The following DDR2 variants were observed in gnomAD, a reference collection of about 807,000 sequenced individuals.
DDR2 encodes discoidin domain-containing receptor 2.
In DDR2, 27 loss-of-function variants were observed where a neutral mutation model predicts 94.9. That is an observed-to-expected ratio of 0.28 (90% confidence interval 0.21 to 0.39). DDR2 has a LOEUF of 0.39. Among genes scored for constraint, DDR2 ranks in the 10% least tolerant of loss-of-function variants. The pLI, the probability that DDR2 is intolerant of heterozygous loss-of-function variation, is 1.00. For synonymous variants in DDR2, 382 were observed against 377.2 expected, an observed-to-expected ratio of 1.01 and a Z score of -0.15; for missense variants, 783 against 1,076.0, an observed-to-expected ratio of 0.73 and a Z score of 3.81.
chr1:162,748,250 A>G (rs1444734628), intron 3 of DDR2, among the ~76,000 whole-genome samples: 1 of 152,240 alleles, frequency 6.6e-6, no homozygotes, highest in Non-Finnish European at 1.5e-5. Flanking sequence ...TGTATTCAGG[A>G]GACCCATCTC....
At chr1:162,705,960 T>G (rs1360704389) in intron 2 of DDR2, among the ~76,000 whole-genome samples, 18 of 152,202 alleles carry the variant, frequency 1.2e-4, no homozygotes, top group Admixed American at 1.2e-3. Context: ...CTTACAGTCT[T>G]GAGGAGGAGA....
chr1:162,750,062 C>T (rs1159598106), intron 3 of DDR2, among the ~76,000 whole-genome samples: 1 of 152,190 alleles, frequency 6.6e-6, no homozygotes, highest in African/African-American at 2.4e-5. Context: ...AAACTGGAAG[C>T]ATTCCCTTTG....
intron 3 of DDR2, among the ~76,000 whole-genome samples, chr1:162,744,324 A>G (rs1453767598): frequency 6.6e-6 from 1 of 152,094 alleles, no homozygotes; most frequent in African/African-American, 2.4e-5. Flanking sequence ...TTTCCTCCCA[A>G]TTCCTGGCAA....
At chr1:162,710,935 A>T (rs1660880789) in intron 2 of DDR2, among the ~76,000 whole-genome samples, 1 of 152,152 alleles carries the variant, frequency 6.6e-6, no homozygotes, top group South Asian at 2.1e-4. Context: ...TACAGGCCAC[A>T]GATGATTTTC....
At chr1:162,675,394 G>A (rs1659079058) in intron 2 of DDR2, among the ~76,000 whole-genome samples, 1 of 152,154 alleles carries the variant, frequency 6.6e-6, no homozygotes, top group African/African-American at 2.4e-5. Flanking sequence ...ATTCTGTGAG[G>A]GGACGATGGC....
At chr1:162,716,473 A>G (rs1661172951) in intron 2 of DDR2, among the ~76,000 whole-genome samples, 2 of 152,174 alleles carry the variant, frequency 1.3e-5, no homozygotes, top group South Asian at 2.1e-4. Context: ...TTCTCTGGGC[A>G]TGTTTATTTA....
At chr1:162,659,993 G>A (rs1039721602) in intron 2 of DDR2, among the ~76,000 whole-genome samples, 1 of 54,560 alleles carries the variant, frequency 1.8e-5, no homozygotes, top group African/African-American at 4.3e-5. Flanking sequence ...CAAATTGTGG[G>A]CTGCAGGAAC....
At chr1:162,693,745 C>T (rs1376506166) in intron 2 of DDR2, among the ~76,000 whole-genome samples, 1 of 152,058 alleles carries the variant, frequency 6.6e-6, no homozygotes, top group East Asian at 1.9e-4. Flanking sequence ...GGAGCCAGAG[C>T]CTGGATGAAG....
At position 162,754,650 on chromosome 1, in the gene DDR2, C is replaced by G. The variant is rs1663367729; in HGVS notation, c.212C>G (p.Ala71Gly). 1 of 1,614,130 alleles carries G rather than the reference C, an allele frequency of 6.2e-7. No individual in the cohort carries two copies. The highest frequency in any genetic ancestry group is 8.5e-7 in the Non-Finnish European group (1 of 1,179,994). Reference protein sequence around the residue: ...GRLDSEEGDGAWCPEIPVEPD... With the variant: ...GRLDSEEGDGGWCPEIPVEPD... ...CTGGACTCAGAAGAAGGGGATGGAG[C>G]CTGGTGCCCTGAGATTCCAGTGGAA... The change falls in exon 5 of 18, where the codon GCC becomes GGC. Residue 71 changes from alanine to glycine, a missense_variant. Ala to Gly is a moderately conservative substitution (Grantham distance 60, BLOSUM62 0). Coordinates refer to ENST00000367921, the MANE Select transcript of DDR2 (RefSeq NM_006182.4).
At chr1:162,660,151 A>G (rs565082694) in intron 2 of DDR2, among the ~76,000 whole-genome samples, 162 of 152,258 alleles carry the variant, frequency 1.1e-3, no homozygotes, top group African/African-American at 3.6e-3. Context: ...CTAGACTTTC[A>G]TAGCATGTTT....
intron 3 of DDR2, among the ~76,000 whole-genome samples, chr1:162,747,672 A>G (rs1662953187): frequency 6.6e-6 from 1 of 152,208 alleles, no homozygotes; most frequent in Non-Finnish European, 1.5e-5. Flanking sequence ...ACTCCTCGAG[A>G]AGAGCAACCC....
intron 1 of DDR2, among the ~76,000 whole-genome samples, chr1:162,654,807 C>A (rs1337567840): frequency 6.6e-6 from 1 of 152,130 alleles, no homozygotes; most frequent in African/African-American, 2.4e-5. Flanking sequence ...AATCCAGAAG[C>A]AGATACGATA....
At chr1:162,721,082 A>T (rs910750897) in intron 3 of DDR2, among the ~76,000 whole-genome samples, 1 of 151,854 alleles carries the variant, frequency 6.6e-6, no homozygotes, top group African/African-American at 2.4e-5. Context: ...TCAATTGTTG[A>T]TGTTTGGTTG....
chr1:162,763,619 C>T (rs1779991), intron 9 of DDR2, among the ~76,000 whole-genome samples: 143,041 of 152,132 alleles, frequency 0.94, 67,818 homozygotes, highest in Middle Eastern at 1. Context: ...ATGTACAGCA[C>T]CCGACGTGGA....
chr1:162,731,317 ATACTCTTTCTGTAT>A (rs1662036652), intron 3 of DDR2, among the ~76,000 whole-genome samples: 1 of 152,152 alleles, frequency 6.6e-6, no homozygotes, highest in Non-Finnish European at 1.5e-5. Flanking sequence ...ACCAAATGTA[ATACTCTTTCTGTAT>A]TAACCTTAGC....
rs192868812 is a variant in DDR2 at position 162,665,888 on chromosome 1, G to A, written c.-28+10514G>A. Among the ~76,000 whole-genome samples, 609 of 152,212 alleles carry A rather than the reference G, an allele frequency of 4.0e-3. 17 individuals are homozygous for A. Among genetic ancestry groups the A allele is most frequent in the Non-Finnish European group, 2.8e-3 (191 of 68,016 alleles). On this transcript the variant is annotated intron_variant, in intron 2 of 17. Coordinates refer to ENST00000367921, the MANE Select transcript of DDR2 (RefSeq NM_006182.4). ...TATGTTTCTTTATTTTGAGTCAGAGGATTTCTTTTTTCCATTTTTAACCAG... is the reference window on the plus strand; with the variant it reads ...TATGTTTCTTTATTTTGAGTCAGAGAATTTCTTTTTTCCATTTTTAACCAG...
chr1:162,743,720 A>T lies in DDR2; in HGVS notation c.83-9375A>T, dbSNP rs115517321. Among the ~76,000 whole-genome samples the T allele has an allele frequency of 9.5e-3, 1,445 of 152,348 alleles. 22 individuals are homozygous for T. The highest frequency in any genetic ancestry group is 0.033 in the African/African-American group (1,380 of 41,578). ...AAAAACAGTTTTATTGAAGTACAAT[A>T]GACATACAATAGACTGCACACATTA... is the stretch of plus-strand genomic sequence containing the variant. On this transcript the variant is annotated intron_variant, in intron 3 of 17. Transcript: ENST00000367921.
chr1:162,644,720 C>A (rs888232550), intron 1 of DDR2, among the ~76,000 whole-genome samples: 2 of 152,008 alleles, frequency 1.3e-5, no homozygotes, highest in African/African-American at 4.8e-5. Flanking sequence ...CCTCAGCCTC[C>A]TGAATAGCTG....
chr1:162,722,801 T>A (rs747961976), intron 3 of DDR2, among the ~76,000 whole-genome samples: 2 of 152,214 alleles, frequency 1.3e-5, no homozygotes, highest in Non-Finnish European at 2.9e-5. Context: ...GATTAGATAA[T>A]CTATGGGACC....
Sources: allele counts gnomAD v4.1 joint callset (sites outside exome capture counted in the v4.1 genomes callset), GRCh38; gene constraint gnomAD v4.1.1; transcripts MANE v1.5; gene names NCBI Gene and HGNC (gene_info 2026-07-23, HGNC 2026-07-21).